The following MAST4 variants were observed in gnomAD, a reference collection of about 807,000 sequenced individuals.
The protein encoded by MAST4 is microtubule-associated serine/threonine-protein kinase 4.
MAST4 carries 89 observed loss-of-function variants against 162.7 expected under a neutral mutation model. That is an observed-to-expected ratio of 0.55 (90% CI 0.46 to 0.65). The LOEUF (loss-of-function observed/expected upper bound fraction) is 0.65. MAST4 is among the 30% of genes least tolerant of loss of function. The pLI, the probability that MAST4 is intolerant of heterozygous loss-of-function variation, is 0.00. For synonymous variants in MAST4, 1,479 were observed against 1,361.1 expected (o/e 1.09, Z -1.91); for missense variants, 3,153 against 3,374.0 (o/e 0.93, Z 1.62).
At chr5:67,029,353 T>G (rs776034641) in intron 4 of MAST4, among the ~76,000 whole-genome samples, 4 of 152,142 alleles carry the variant, frequency 2.6e-5, no homozygotes, top group Non-Finnish European at 5.9e-5. Context: ...AGACAAGCCA[T>G]AGAGCCATCC....
chr5:66,761,759 C>A (rs1753862204), intron 2 of MAST4, among the ~76,000 whole-genome samples: 1 of 152,156 alleles, frequency 6.6e-6, no homozygotes. Context: ...TAAGGCAAAT[C>A]TTTTCCCTTG....
chr5:66,862,788 A>T (rs1465057416), intron 3 of MAST4, among the ~76,000 whole-genome samples: 1 of 152,180 alleles, frequency 6.6e-6, no homozygotes. Context: ...AGGGTCTTGG[A>T]ATTTCAGACT....
chr5:66,939,788 A>G lies in MAST4; in HGVS notation c.674+39806A>G, dbSNP rs895569312. 1.3e-5 allele frequency among the ~76,000 whole-genome samples: 2 copies of G among 152,090 alleles called. 1 individual carries two copies. The highest frequency in any genetic ancestry group is 1.3e-4 in the Admixed American group (2 of 15,264). ...AGACCACTGCCGTAAAGTGACTGCAATAAAACAAATATCACAATAAAGCAG... is the reference window on the plus strand; with the variant it reads ...AGACCACTGCCGTAAAGTGACTGCAGTAAAACAAATATCACAATAAAGCAG... On this transcript the variant is annotated intron_variant, in intron 4 of 28. Coordinates refer to ENST00000403625, the MANE Select transcript of MAST4 (RefSeq NM_001164664.2).
At chr5:66,633,091 C>T (rs1038552535) in intron 1 of MAST4, among the ~76,000 whole-genome samples, 1 of 152,166 alleles carries the variant, frequency 6.6e-6, no homozygotes, top group Non-Finnish European at 1.5e-5. Context: ...TCTTCTGTGG[C>T]TTACATATTC....
At chr5:66,789,762 C>T in intron 3 of MAST4, 1 of 518,848 alleles carries the variant, frequency 1.9e-6, no homozygotes, top group Non-Finnish European at 3.8e-6. Flanking sequence ...AATCTATGAG[C>T]AACCTGGGAG....
intron 1 of MAST4, among the ~76,000 whole-genome samples, chr5:66,741,811 A>G (rs1290345157): frequency 6.6e-6 from 1 of 152,230 alleles, no homozygotes; most frequent in Non-Finnish European, 1.5e-5. Context: ...TTCACCAGCC[A>G]GGCCAGTCAG....
At chr5:66,682,680 T>A (rs957026939) in intron 1 of MAST4, among the ~76,000 whole-genome samples, 1 of 152,212 alleles carries the variant, frequency 6.6e-6, no homozygotes, top group Non-Finnish European at 1.5e-5. Flanking sequence ...TTGGTAGCAA[T>A]CTACTTATCT....
intron 3 of MAST4, among the ~76,000 whole-genome samples, chr5:66,872,990 A>G (rs1288853287): frequency 6.6e-6 from 1 of 152,186 alleles, no homozygotes; most frequent in Non-Finnish European, 1.5e-5. Flanking sequence ...TACACTATAA[A>G]TTAGCTAACT....
At position 67,165,335 on chromosome 5, in the gene MAST4, G is replaced by A. The variant is rs1476999406; in HGVS notation, c.6156G>A (p.Arg2052=). ...TNHKDGPGEA[R]PPPRDNSSLH... ...ACAAAGATGGCCCAGGTGAGGCGAGGCCCCCGCCCAGAGACAACTCCTCTC... is the reference window on the plus strand; with the variant it reads ...ACAAAGATGGCCCAGGTGAGGCGAGACCCCCGCCCAGAGACAACTCCTCTC... Residue 2052 remains arginine (R), a synonymous_variant, in exon 29 of 29, where the codon AGG becomes AGA. Transcript: ENST00000403625. The A allele has an allele frequency of 6.2e-7, 1 of 1,613,630 alleles. No individual in the cohort carries two copies. The highest frequency in any genetic ancestry group is 8.5e-7 in the Non-Finnish European group (1 of 1,179,880).
At chr5:66,803,196 ATT>A (rs556130131) in intron 3 of MAST4, among the ~76,000 whole-genome samples, 2 of 152,238 alleles carry the variant, frequency 1.3e-5, no homozygotes, top group African/African-American at 4.8e-5. Flanking sequence ...TATTGGGTGT[ATT>A]TCTCTATATA....
chr5:66,608,821 G>A (rs1005824089), intron 1 of MAST4, among the ~76,000 whole-genome samples: 1 of 139,414 alleles, frequency 7.2e-6, no homozygotes, highest in African/African-American at 2.6e-5. Flanking sequence ...GGGCGGGGGG[G>A]AGAACGCGAG....
In MAST4 at chr5:67,163,546, G is replaced by A; in HGVS notation, c.4367G>A (p.Ser1456Asn). 6.3e-7 allele frequency: 1 copy of A among 1,599,272 alleles called. No homozygotes were observed. Among genetic ancestry groups the A allele is most frequent in the Admixed American group, 1.7e-5 (1 of 57,484 alleles). The change falls in exon 29 of 29, where the codon AGT becomes AAT. Residue 1456 changes from serine to asparagine, a missense_variant. Ser to Asn is a conservative substitution (Grantham distance 46). Around this residue, in one of 7 missense-constraint regions of MAST4, gnomAD observed 619 missense variants for 744.2 expected, o/e 0.83. Transcript: ENST00000403625. The surrounding 1 kb of genome is among the most constrained non-coding windows in gnomAD (Gnocchi z 7.0). ...SEEKLSPSYG[S>N]DKKHLCSRKH... ...GAGAAGCTGTCGCCCTCTTACGGCA[G>A]TGACAAGAAGCACCTGTGCTCCCGC...
chr5:67,151,286 C>T (rs910878933), intron 24 of MAST4, among the ~76,000 whole-genome samples: 15 of 152,148 alleles, frequency 9.9e-5, no homozygotes, highest in East Asian at 3.8e-4. Context: ...ATCAAGGTGG[C>T]GACAGTTTCA....
At chr5:66,604,830 G>A (rs1742775086) in intron 1 of MAST4, among the ~76,000 whole-genome samples, 1 of 152,224 alleles carries the variant, frequency 6.6e-6, no homozygotes, top group Non-Finnish European at 1.5e-5. Context: ...TGCAGGAAGG[G>A]CCTCAGGGCC....
rs572743410 is a variant in MAST4, at chr5:66,951,933, T to C, written c.674+51951T>C. ...CGGTGTGCTATCTAGGTCTCCTGCATGGAGGCAGTTTTTGGTGATTTTCCT... is the reference window on the plus strand; with the variant it reads ...CGGTGTGCTATCTAGGTCTCCTGCACGGAGGCAGTTTTTGGTGATTTTCCT... On this transcript the variant is annotated intron_variant, in intron 4 of 28. Transcript: ENST00000403625. Among the ~76,000 whole-genome samples, 232 of 152,288 alleles carry C rather than the reference T, an allele frequency of 1.5e-3. 1 individual carries two copies. The highest frequency in any genetic ancestry group is 5.4e-3 in the African/African-American group (224 of 41,556).
intron 26 of MAST4, among the ~76,000 whole-genome samples, chr5:67,159,528 C>T (rs935067864): frequency 6.6e-6 from 1 of 152,178 alleles, no homozygotes; most frequent in Admixed American, 6.5e-5. Flanking sequence ...AGGTATCTTC[C>T]AGGCATGGGC....
At chr5:66,613,054 C>A (rs1743397976) in intron 1 of MAST4, among the ~76,000 whole-genome samples, 1 of 152,018 alleles carries the variant, frequency 6.6e-6, no homozygotes, top group Admixed American at 6.5e-5. Context: ...TTGTATCTTG[C>A]TAGGTAATTA....
At chr5:66,865,840 T>C (rs36149) in intron 3 of MAST4, among the ~76,000 whole-genome samples, 82,639 of 151,820 alleles carry the variant, frequency 0.54, 23,742 homozygotes, top group Non-Finnish European at 0.64. Flanking sequence ...TTTGGGAGGC[T>C]GAGGTGGGCG....
chr5:66,730,557 C>G (rs368020928), intron 1 of MAST4, among the ~76,000 whole-genome samples: 7 of 152,264 alleles, frequency 4.6e-5, no homozygotes, highest in African/African-American at 1.7e-4. Flanking sequence ...AGCATATTTG[C>G]TGATGACGGA....
Sources: allele counts gnomAD v4.1 joint callset (sites outside exome capture counted in the v4.1 genomes callset), GRCh38; gene constraint gnomAD v4.1.1; regional missense constraint gnomAD v4.1.1; non-coding constraint Gnocchi (gnomAD v3.1); transcripts MANE v1.5; gene names NCBI Gene and HGNC (gene_info 2026-07-23, HGNC 2026-07-21).